Variants in TOX observed in about 807,000 individuals in gnomAD.
TOX encodes thymocyte selection associated high mobility group box, also known as thymocyte selection-associated high mobility group box protein TOX.
TOX carries 11 observed loss-of-function variants against 53.7 expected under a neutral mutation model. That is an observed-to-expected ratio of 0.20 (90% CI 0.13 to 0.34). The LOEUF (loss-of-function observed/expected upper bound fraction) is 0.34, where lower values mean the gene tolerates loss of function less well. TOX is among the 10% of genes least tolerant of loss of function. The pLI is 1.00. For missense variants in TOX, 570 were observed against 664.6 expected (o/e 0.86, Z 1.56); for synonymous variants, 225 against 245.3 (o/e 0.92, Z 0.77).
intron 6 of TOX, among the ~76,000 whole-genome samples, chr8:58,824,030 C>A (rs1810325241): frequency 6.6e-6 from 1 of 152,078 alleles, no homozygotes; most frequent in Non-Finnish European, 1.5e-5. Flanking sequence ...ACAAAAATGA[C>A]CTTATCAGAG....
At chr8:58,883,836 A>G (rs1312157241) in intron 3 of TOX, among the ~76,000 whole-genome samples, 1 of 152,206 alleles carries the variant, frequency 6.6e-6, no homozygotes, top group African/African-American at 2.4e-5. Flanking sequence ...AATAATTGGT[A>G]TCTTTCCACT....
At chr8:59,110,632 C>A (rs1223030694) in intron 1 of TOX, among the ~76,000 whole-genome samples, 1 of 152,048 alleles carries the variant, frequency 6.6e-6, no homozygotes, top group African/African-American at 2.4e-5. Flanking sequence ...CACAGTTATT[C>A]TCCACTTTTA....
At chr8:59,088,015 T>A (rs753812168) in intron 1 of TOX, among the ~76,000 whole-genome samples, 2 of 152,104 alleles carry the variant, frequency 1.3e-5, no homozygotes, top group Non-Finnish European at 2.9e-5. Flanking sequence ...TTTATGTACC[T>A]CAAGAAAGTG....
chr8:59,108,218 C>T (rs541343996), intron 1 of TOX, among the ~76,000 whole-genome samples: 1 of 152,138 alleles, frequency 6.6e-6, no homozygotes, highest in Admixed American at 6.5e-5. Context: ...CTTATCATTC[C>T]TTTTTCACAA....
intron 1 of TOX, among the ~76,000 whole-genome samples, chr8:58,986,115 A>T (rs975343809): frequency 2.6e-5 from 4 of 152,194 alleles, no homozygotes; most frequent in Non-Finnish European, 4.4e-5. Context: ...CTACTCTTTT[A>T]AAACATAGTA....
intron 3 of TOX, among the ~76,000 whole-genome samples, chr8:58,898,790 C>T (rs944372049): frequency 1.2e-4 from 18 of 152,142 alleles, no homozygotes; most frequent in African/African-American, 3.9e-4. Flanking sequence ...GGAGGTCAAC[C>T]CCTTCTGTGT....
At chr8:58,966,135 AG>A (rs1563403368) in intron 1 of TOX, among the ~76,000 whole-genome samples, 1 of 152,078 alleles carries the variant, frequency 6.6e-6, no homozygotes, top group Non-Finnish European at 1.5e-5. Flanking sequence ...AGATGTCAGG[AG>A]GCACTGGAGA....
At chr8:58,872,201 C>T (rs1344704289) in intron 3 of TOX, among the ~76,000 whole-genome samples, 3 of 152,076 alleles carry the variant, frequency 2.0e-5, no homozygotes, top group African/African-American at 7.2e-5. Context: ...AATGCTAGAA[C>T]AATTTGAGCA....
At chr8:58,828,407 T>G (rs1476598946) in intron 5 of TOX, among the ~76,000 whole-genome samples, 1 of 152,138 alleles carries the variant, frequency 6.6e-6, no homozygotes, top group African/African-American at 2.4e-5. Context: ...AATTAAGAAT[T>G]AGTACAATAT....
At chr8:58,883,512 G>C (rs556802371) in intron 3 of TOX, among the ~76,000 whole-genome samples, 22 of 152,058 alleles carry the variant, frequency 1.4e-4, no homozygotes, top group Non-Finnish European at 2.9e-4. Context: ...TGTTACTTCT[G>C]TTCTTAAAAT....
At chr8:59,072,481 C>G (rs768009128) in intron 1 of TOX, among the ~76,000 whole-genome samples, 4 of 152,234 alleles carry the variant, frequency 2.6e-5, no homozygotes, top group Admixed American at 2.0e-4. Flanking sequence ...GCCTGATGCA[C>G]AGGATATTAA....
chr8:58,892,739 A>T, intron 3 of TOX, among the ~76,000 whole-genome samples: 1 of 152,074 alleles, frequency 6.6e-6, no homozygotes, highest in Non-Finnish European at 1.5e-5. Flanking sequence ...GCCTTTGGAG[A>T]TGTACTCTAT....
intron 5 of TOX, among the ~76,000 whole-genome samples, chr8:58,832,119 A>C (rs1234223972): frequency 6.8e-6 from 1 of 148,016 alleles, no homozygotes; most frequent in African/African-American, 2.5e-5. Context: ...GTGGATATAT[A>C]TAATATATGT....
intron 1 of TOX, among the ~76,000 whole-genome samples, chr8:59,043,961 C>A (rs1011284945): frequency 3.3e-5 from 5 of 152,124 alleles, no homozygotes; most frequent in Non-Finnish European, 7.4e-5. Context: ...CCAAGAGGTC[C>A]CCTAAACCAT....
At chr8:59,096,966 C>A (rs1804722283) in intron 1 of TOX, among the ~76,000 whole-genome samples, 1 of 152,150 alleles carries the variant, frequency 6.6e-6, no homozygotes, top group Non-Finnish European at 1.5e-5. Context: ...CATCTAAGTG[C>A]ATTGCTGGAA....
At chr8:58,869,520 T>C (rs542694865) in intron 3 of TOX, among the ~76,000 whole-genome samples, 2 of 152,168 alleles carry the variant, frequency 1.3e-5, no homozygotes, top group East Asian at 3.9e-4. Flanking sequence ...ACGAAAGACT[T>C]CATAACTCAT....
chr8:58,851,077 G>A lies in TOX; in HGVS notation c.693+447C>T, dbSNP rs759700176. 4.0e-5 allele frequency among the ~76,000 whole-genome samples: 6 copies of A among 151,742 alleles called. No homozygotes were observed. In the South Asian group the frequency reaches 8.3e-4, roughly 21 times the overall value. ...AATATCCCTGGCACTTACTTTCCAC[G>A]TCCTCAATATGAAATGGTTGGGTCA... On this transcript the variant is annotated intron_variant, in intron 4 of 8. Transcript: ENST00000361421. This position sits in a 1 kb window ranked among gnomAD's most constrained non-coding sequence, Gnocchi z 4.4.
chr8:58,879,929 C>A (rs1811355565), intron 3 of TOX, among the ~76,000 whole-genome samples: 1 of 152,074 alleles, frequency 6.6e-6, no homozygotes, highest in South Asian at 2.1e-4. Context: ...TTTGCTTTTT[C>A]CTCTCTTCCT....
chr8:58,865,865 C>G (rs1255501350), intron 3 of TOX, among the ~76,000 whole-genome samples: 1 of 53,820 alleles, frequency 1.9e-5, no homozygotes, highest in Non-Finnish European at 3.6e-5. Flanking sequence ...GACAGAGTCT[C>G]ACTCTGTCGT....
Sources: allele counts gnomAD v4.1 joint callset (sites outside exome capture counted in the v4.1 genomes callset), GRCh38; gene constraint gnomAD v4.1.1; non-coding constraint Gnocchi (gnomAD v3.1); transcripts MANE v1.5; gene names NCBI Gene and HGNC (gene_info 2026-07-23, HGNC 2026-07-21).